The following SORT1 variants were observed in gnomAD, a reference collection of about 807,000 sequenced individuals.
The protein encoded by SORT1 is sortilin.
In SORT1, 39 loss-of-function variants were observed where a neutral mutation model predicts 101.7. The ratio of observed to expected loss-of-function variants is 0.38; its 90% CI spans 0.30 to 0.50. SORT1 has a LOEUF of 0.50. SORT1 is among the 20% of genes least tolerant of loss of function. The pLI, the probability that SORT1 is intolerant of heterozygous loss-of-function variation, is 0.90. For synonymous variants in SORT1, 396 were observed against 393.7 expected (o/e 1.01, Z -0.07); for missense variants, 878 against 1,040.4 (o/e 0.84, Z 2.15).
chr1:109,356,974 C>CAGTGGTCTTCAATGATAGAATAT (rs1650365843), intron 3 of SORT1, among the ~76,000 whole-genome samples: 1 of 152,186 alleles, frequency 6.6e-6, no homozygotes, highest in Admixed American at 6.5e-5. Context: ...ATGTAATCTG[C>CAGTGGTCTTCAATGATAGAATAT]AGTGGTCTTC....
At chr1:109,331,370 TATC>T (rs758040834) in intron 11 of SORT1, among the ~76,000 whole-genome samples, 3 of 152,166 alleles carry the variant, frequency 2.0e-5, no homozygotes, top group Non-Finnish European at 4.4e-5. Flanking sequence ...ATAGAAATCA[TATC>T]ATCTTGATAA....
chr1:109,382,644 C>A (rs1033791252), intron 1 of SORT1, among the ~76,000 whole-genome samples: 11 of 152,198 alleles, frequency 7.2e-5, no homozygotes, highest in African/African-American at 2.4e-4. Flanking sequence ...ACCTATTGAA[C>A]AGTGATTTCT....
chr1:109,325,377 G>C (rs1309441020), intron 13 of SORT1, among the ~76,000 whole-genome samples: 1 of 151,766 alleles, frequency 6.6e-6, no homozygotes, highest in Non-Finnish European at 1.5e-5. Context: ...GAGTAGCTGG[G>C]ATTACAGGAA....
rs924116632 is a variant in SORT1 at position 109,397,428 on chromosome 1, T to TCCGCCCGC, written c.306+151_306+158dup. 2.8e-5 allele frequency: 9 copies of TCCGCCCGC among 319,180 alleles called. No individual in the cohort carries two copies. In the South Asian group the frequency reaches 3.7e-4, roughly 13 times the overall value. 19.8% of individuals were successfully genotyped at this position (319,180 alleles called of 1,614,324 possible). ...GCCCCGCCGGCCGCCCGGGCCCGAC[T>TCCGCCCGC]CCGCCCGCCCGCCCGCCGCAGTTTC... On this transcript the variant is annotated intron_variant, in intron 1 of 19. Coordinates refer to ENST00000256637, the MANE Select transcript of SORT1 (RefSeq NM_002959.7).
Position 109,355,331 on chromosome 1 carries a change from A to C in SORT1, c.543+36T>G, listed in dbSNP as rs377309898. Reference sequence around the variant, plus strand: ...ATCTGACAGCTCTGCATGTGGTATCAAGCACAAGCTTTATGTATACAAGAA... The same window carrying C: ...ATCTGACAGCTCTGCATGTGGTATCCAGCACAAGCTTTATGTATACAAGAA... On this transcript the variant is annotated intron_variant, in intron 4 of 19. Coordinates refer to ENST00000256637, the MANE Select transcript of SORT1 (RefSeq NM_002959.7). The C allele has an allele frequency of 5.9e-5, 61 of 1,031,018 alleles. No homozygotes were observed. The African/African-American group carries it at 8.9e-4, about 15-fold the overall frequency. The allele number at this position is 1,031,018 out of a possible 1,614,324, so 63.9% of individuals were successfully genotyped here. A position where few individuals can be genotyped will look rare whatever the true frequency, so the allele number is the denominator to read the frequency against.
At chr1:109,329,663 T>G (rs960550572) in intron 11 of SORT1, among the ~76,000 whole-genome samples, 1 of 152,182 alleles carries the variant, frequency 6.6e-6, no homozygotes. Context: ...CAAGAGCATA[T>G]AACATTGGTA....
intron 11 of SORT1, among the ~76,000 whole-genome samples, chr1:109,328,973 A>G (rs772184786): frequency 6.6e-6 from 1 of 151,374 alleles, no homozygotes; most frequent in Non-Finnish European, 1.5e-5. Context: ...TCACCTGAAG[A>G]CCCACTTAAA....
chr1:109,394,208 T>C (rs1370811451), intron 1 of SORT1, among the ~76,000 whole-genome samples: 1 of 152,164 alleles, frequency 6.6e-6, no homozygotes, highest in Non-Finnish European at 1.5e-5. Context: ...TTTTTAGTAA[T>C]AGCCAGTATT....
chr1:109,367,507 A>C, intron 2 of SORT1, 26 bp from the exon 3 acceptor site: 1 of 1,432,128 alleles, frequency 7.0e-7, no homozygotes, highest in Non-Finnish European at 9.8e-7. Flanking sequence ...AGCATTCCGT[A>C]AATAAAAAAG....
intron 19 of SORT1, 41 bp downstream of exon 19, chr1:109,314,220 T>TTG (rs758939571): frequency 1.3e-5 from 17 of 1,314,860 alleles, no homozygotes; most frequent in Admixed American, 7.7e-5. Flanking sequence ...TTGTATTTTT[T>TTG]GGGGGGGGGG....
At chr1:109,322,660 CT>C (rs11330939) in intron 15 of SORT1, among the ~76,000 whole-genome samples, 105,883 of 151,950 alleles carry the variant, frequency 0.7, 37,464 homozygotes, top group East Asian at 0.96. Flanking sequence ...ACCTGAGCAG[CT>C]TGGGATTATA....
At chr1:109,355,641 A>ACCCCCCCCCCCCCCCCCCCC (rs529686433) in intron 3 of SORT1, among the ~76,000 whole-genome samples, 172 bp from the exon 4 acceptor site, 27 of 84,154 alleles carry the variant, frequency 3.2e-4, no homozygotes, top group South Asian at 5.0e-4. Flanking sequence ...AGAACATTCC[A>ACCCCCCCCCCCCCCCCCCCC]CCCGCCCCCC....
At chr1:109,323,433 G>A (rs1365772072) in intron 14 of SORT1, among the ~76,000 whole-genome samples, 1 of 152,360 alleles carries the variant, frequency 6.6e-6, no homozygotes, top group Middle Eastern at 3.4e-3. Context: ...AGGCTGCTGT[G>A]TGTGTCTTGC....
At chr1:109,349,818 T>C (rs1649841018) in intron 6 of SORT1, among the ~76,000 whole-genome samples, 3 of 152,164 alleles carry the variant, frequency 2.0e-5, no homozygotes, top group Admixed American at 2.0e-4. Context: ...TTAAGCAATA[T>C]ATTTAATATT....
At chr1:109,366,298 T>C (rs770351537) in intron 3 of SORT1, among the ~76,000 whole-genome samples, 2 of 152,234 alleles carry the variant, frequency 1.3e-5, no homozygotes, top group African/African-American at 2.4e-5. Flanking sequence ...AGCACTTTGG[T>C]AGGTCCGACC....
In SORT1 at chr1:109,311,132, G is replaced by A. The variant is rs928111915; in HGVS notation, c.*2911C>T. ...GCCATTGAATTAAAAGCCTACAGGA[G>A]AGACGGGCCTGGTCTGTGGTCTCAC... On this transcript the variant is annotated 3_prime_UTR_variant, in exon 20 of 20. Coordinates refer to ENST00000256637, the MANE Select transcript of SORT1 (RefSeq NM_002959.7). The A allele has an allele frequency of 6.6e-6, 1 of 152,248 alleles. No homozygotes were observed. The highest frequency in any genetic ancestry group is 1.5e-5 in the Non-Finnish European group (1 of 68,050). The allele number at this position is 152,248 out of a possible 1,614,324, so 9.4% of individuals were successfully genotyped here. A position where few individuals can be genotyped will look rare whatever the true frequency, so the allele number is the denominator to read the frequency against.
intron 18 of SORT1, 91 bp from the exon 19 acceptor site, chr1:109,314,475 G>A (rs1227037540): frequency 1.1e-4 from 155 of 1,455,454 alleles, no homozygotes; most frequent in Admixed American, 2.0e-4. Flanking sequence ...TATACACTCA[G>A]GAACGCATCA....
chr1:109,344,291 G>A (rs920081034), intron 8 of SORT1, among the ~76,000 whole-genome samples: 1 of 152,124 alleles, frequency 6.6e-6, no homozygotes, highest in Non-Finnish European at 1.5e-5. Flanking sequence ...TTCTTCAAAA[G>A]AGAAGCCAAA....
chr1:109,350,002 CTAAA>C (rs886908239), intron 6 of SORT1, among the ~76,000 whole-genome samples: 6 of 152,272 alleles, frequency 3.9e-5, no homozygotes, highest in Non-Finnish European at 7.4e-5. Context: ...TGATCTAGCA[CTAAA>C]TAATTTAATA....
Sources: gnomAD v4.1 joint callset for allele counts (sites outside exome capture counted in the v4.1 genomes callset) on GRCh38, gnomAD v4.1.1 for gene constraint, MANE v1.5 for transcripts, NCBI Gene and HGNC (gene_info 2026-07-23, HGNC 2026-07-21) for gene names.